The following AFF2 variants were observed in gnomAD, a reference collection of about 807,000 sequenced individuals.
The protein encoded by AFF2 is ALF transcription elongation factor 2.
In AFF2, 14 loss-of-function variants were observed where a neutral mutation model predicts 76.9. That is an observed-to-expected ratio of 0.18 (90% CI 0.12 to 0.28). AFF2 has a LOEUF of 0.28. Among genes scored for constraint, AFF2 ranks in the 10% least tolerant of loss-of-function variants. The pLI, the probability that AFF2 is intolerant of heterozygous loss-of-function variation, is 1.00. For missense variants in AFF2, 868 were observed against 1,001.1 expected (o/e 0.87, Z 1.79); for synonymous variants, 398 against 366.7 (o/e 1.09, Z -0.98).
chrX:148,768,449 G>GTGAA (rs1337220014), intron 3 of AFF2, among the ~76,000 whole-genome samples: 1 of 110,679 alleles, frequency 9.0e-6, no homozygotes, highest in Non-Finnish European at 1.9e-5. Flanking sequence ...GCCTTCAGAC[G>GTGAA]TGAAGCCTGC....
At chrX:148,973,927 G>A (rs1447359142) in intron 16 of AFF2, among the ~76,000 whole-genome samples, 2 of 111,583 alleles carry the variant, frequency 1.8e-5, no homozygotes, top group African/African-American at 3.3e-5. Context: ...CTTTTCAAAG[G>A]TGCAGTTTTA....
At chrX:148,730,032 A>T (rs1207477178) in intron 3 of AFF2, among the ~76,000 whole-genome samples, 2 of 111,787 alleles carry the variant, frequency 1.8e-5, no homozygotes, top group Non-Finnish European at 3.8e-5. Flanking sequence ...CATTAATAAG[A>T]TTTCTAATAC....
At chrX:148,948,500 CA>C (rs2071927502) in intron 9 of AFF2, among the ~76,000 whole-genome samples, 1 of 111,289 alleles carries the variant, frequency 9.0e-6, no homozygotes, top group Non-Finnish European at 1.9e-5. Context: ...AGGAATTTAC[CA>C]ATACAGTTGT....
chrX:148,940,270 AATCC>A (rs2071818440), intron 9 of AFF2, among the ~76,000 whole-genome samples: 1 of 111,789 alleles, frequency 8.9e-6, no homozygotes, highest in Non-Finnish European at 1.9e-5. Flanking sequence ...TCTACACTAT[AATCC>A]CTAAGATGTG....
Position 148,795,832 on chromosome X carries a change from AATATATAT to A in AFF2, c.1042-14010_1042-14003del, listed in dbSNP as rs1169188980. On this transcript the variant is annotated intron_variant, in intron 3 of 20. Coordinates refer to ENST00000370460, the MANE Select transcript of AFF2 (RefSeq NM_002025.4). ...AAAAAAAAAAAAAAAAAAAAAAAAA[AATATATAT>A]ATATATATATATATATATATATATA... 6.8e-3 allele frequency among the ~76,000 whole-genome samples: 105 copies of A among 15,518 alleles called. 1 individual carries two copies. Among genetic ancestry groups the A allele is most frequent in the African/African-American group, 0.019 (81 of 4,188 alleles). 13.5% of individuals were successfully genotyped at this position (15,518 alleles called of 115,157 possible). A position where few individuals can be genotyped will look rare whatever the true frequency, so the allele number is the denominator to read the frequency against.
intron 1 of AFF2, among the ~76,000 whole-genome samples, chrX:148,643,238 T>C (rs1346700188): frequency 8.9e-6 from 1 of 112,461 alleles, no homozygotes; most frequent in African/African-American, 3.2e-5. Context: ...ATTTGATATT[T>C]ATGTACAGTA....
chrX:148,939,822 C>T (rs1047463187), intron 9 of AFF2, among the ~76,000 whole-genome samples: 4 of 111,838 alleles, frequency 3.6e-5, no homozygotes, highest in Non-Finnish European at 1.9e-5. Flanking sequence ...GACTGGCACA[C>T]GTGCATTCAT....
chrX:148,643,235 A>T (rs73619921), intron 1 of AFF2, among the ~76,000 whole-genome samples: 21,075 of 111,648 alleles, frequency 0.19, 1,457 homozygotes, highest in Non-Finnish European at 0.2. Context: ...TCAATTTGAT[A>T]TTTATGTACA....
At chrX:148,800,339 A>G (rs1330788181) in intron 3 of AFF2, among the ~76,000 whole-genome samples, 3 of 112,154 alleles carry the variant, frequency 2.7e-5, no homozygotes, top group East Asian at 5.6e-4. Context: ...GCCACTTTCT[A>G]TCAAGTGTAT....
chrX:148,751,080 CCA>C lies in AFF2; in HGVS notation c.1042-58795_1042-58794del, dbSNP rs782092327. 5.6e-3 allele frequency among the ~76,000 whole-genome samples: 627 copies of C among 112,146 alleles called. 3 individuals carry two copies. Among genetic ancestry groups the C allele is most frequent in the Non-Finnish European group, 8.7e-3 (464 of 53,227 alleles). ...CAATTTATACTTATTTCCAAATTCT[CCA>C]GTGTTTGCTGACTATAATTGAAACC... On this transcript the variant is annotated intron_variant, in intron 3 of 20. Transcript: ENST00000370460.
chrX:148,878,560 C>T (rs1170876979), intron 7 of AFF2, among the ~76,000 whole-genome samples: 1 of 112,086 alleles, frequency 8.9e-6, no homozygotes, highest in Non-Finnish European at 1.9e-5. Context: ...ACTTGAATGA[C>T]TTTCCATATC....
intron 1 of AFF2, among the ~76,000 whole-genome samples, chrX:148,530,723 A>G (rs782495872): frequency 8.9e-6 from 1 of 112,046 alleles, no homozygotes. Context: ...CTTGGAATTT[A>G]GGGAAAAAAT....
intron 18 of AFF2, among the ~76,000 whole-genome samples, chrX:148,980,268 G>A (rs1557290727): frequency 8.9e-6 from 1 of 111,966 alleles, no homozygotes; most frequent in African/African-American, 3.2e-5. Flanking sequence ...AAATCAAGGT[G>A]ATTCCTGAAA....
At chrX:148,875,418 T>C (rs1367563922) in intron 7 of AFF2, among the ~76,000 whole-genome samples, 1 of 111,920 alleles carries the variant, frequency 8.9e-6, no homozygotes, top group Non-Finnish European at 1.9e-5. Flanking sequence ...GAGAATGCCT[T>C]GTGGAAGCCA....
At chrX:148,585,206 C>T (rs782422143) in intron 1 of AFF2, among the ~76,000 whole-genome samples, 1 of 111,452 alleles carries the variant, frequency 9.0e-6, no homozygotes, top group African/African-American at 3.3e-5. Context: ...CAGGGATCTA[C>T]TGCAGAAGGT....
chrX:148,965,000 T>C lies in AFF2; in HGVS notation c.2914-1790T>C, dbSNP rs184390005. On this transcript the variant is annotated intron_variant, in intron 13 of 20. Coordinates refer to ENST00000370460, the MANE Select transcript of AFF2 (RefSeq NM_002025.4). ...TTCATGGAAGGGAACAGTCAGAGAT[T>C]GGGCAGAAAGCTGCAGCCAAATCAG... is the stretch of plus-strand genomic sequence containing the variant. Among the ~76,000 whole-genome samples, 67 of 112,726 alleles carry C rather than the reference T, an allele frequency of 5.9e-4. 1 individual carries two copies. Among genetic ancestry groups the C allele is most frequent in the African/African-American group, 2.2e-3 (67 of 31,027 alleles).
intron 3 of AFF2, among the ~76,000 whole-genome samples, chrX:148,800,570 A>G (rs985111844): frequency 8.9e-6 from 1 of 111,908 alleles, no homozygotes; most frequent in African/African-American, 3.2e-5. Flanking sequence ...TTTTTTTTCT[A>G]AAAGATTTTC....
In AFF2 at chrX:148,600,124, C is replaced by T. The variant is rs992610345; in HGVS notation, c.48-51875C>T. 1.3e-4 allele frequency among the ~76,000 whole-genome samples: 15 copies of T among 112,329 alleles called. No individual in the cohort carries two copies. The East Asian group carries it at 1.4e-3, about 11-fold the overall frequency. ...TGACTCTTCCACATTTGGTGGATAT[C>T]GTCTAGAGAGATCTTTGCACTTGTG... On this transcript the variant is annotated intron_variant, in intron 1 of 20. Transcript: ENST00000370460.
At chrX:148,892,713 T>C (rs1455032143) in intron 8 of AFF2, among the ~76,000 whole-genome samples, 1 of 112,098 alleles carries the variant, frequency 8.9e-6, no homozygotes, top group African/African-American at 3.3e-5. Context: ...CTGGCTCTTT[T>C]GAAGTTGGTG....
Sources: allele counts gnomAD v4.1 joint callset (sites outside exome capture counted in the v4.1 genomes callset), GRCh38; gene constraint gnomAD v4.1.1; transcripts MANE v1.5; gene names NCBI Gene and HGNC (gene_info 2026-07-23, HGNC 2026-07-21).